Variants in CELF2 observed in about 807,000 individuals in gnomAD.
CELF2 encodes the protein CUG triplet repeat RNA-binding protein 2.
In CELF2, 8 loss-of-function variants were observed where a neutral mutation model predicts 62.6. That is an observed-to-expected ratio of 0.13 (90% CI 0.07 to 0.23). The LOEUF (loss-of-function observed/expected upper bound fraction) is 0.23, where lower values mean the gene tolerates loss of function less well. Among genes scored for constraint, CELF2 ranks in the 10% least tolerant of loss-of-function variants. The probability of loss-of-function intolerance (pLI) is 1.00; values close to 1 mark genes in which losing one functional copy is unlikely to be tolerated. For missense variants in CELF2, 333 were observed against 671.0 expected (o/e 0.50, Z 5.56); for synonymous variants, 258 against 250.0 (o/e 1.03, Z -0.30).
rs562826829 is a variant in CELF2 at position 11,216,417 on chromosome 10, G to C, written c.272-1008G>C. Among the ~76,000 whole-genome samples the C allele has an allele frequency of 2.0e-5, 3 of 152,302 alleles. No individual in the cohort carries two copies. The East Asian group carries it at 5.8e-4, about 29-fold the overall frequency. ...AATAAAATACATACAGTCTTGGTGA[G>C]TGCATCACTTTACTTTTTTTCCTCA... On this transcript the variant is annotated intron_variant, in intron 2 of 12. Transcript: ENST00000633077.
chr10:10,835,170 G>T (rs35423781), intron 1 of CELF2, among the ~76,000 whole-genome samples: 23,894 of 151,958 alleles, frequency 0.16, 1,996 homozygotes, highest in Non-Finnish European at 0.19. Flanking sequence ...ACTATTTTTA[G>T]AGACAAGGGT....
the CELF2 span, among the ~76,000 whole-genome samples, chr10:10,605,956 T>C: frequency 6.6e-6 from 1 of 152,222 alleles, no homozygotes; most frequent in African/African-American, 2.4e-5. Context: ...ATGTATGATC[T>C]ATGCTGAATG....
the CELF2 span, among the ~76,000 whole-genome samples, chr10:10,587,603 CTTTT>C: frequency 6.6e-6 from 1 of 151,964 alleles, no homozygotes. Flanking sequence ...ACATAAAATC[CTTTT>C]TTTGTTGTTT....
At position 11,211,490 on chromosome 10, in the gene CELF2, A is replaced by G. The variant is rs1188501426; in HGVS notation, c.272-5935A>G. Among the ~76,000 whole-genome samples, 2 of 152,196 alleles carry G rather than the reference A, an allele frequency of 1.3e-5. No individual in the cohort carries two copies. Among genetic ancestry groups the G allele is most frequent in the South Asian group, 2.1e-4 (1 of 4,832 alleles). ...AGAGTGGTGTCTACATTACCTCCAC[A>G]CTGAAAAATATAAATACGTTATTGC... On this transcript the variant is annotated intron_variant, in intron 2 of 12. Transcript: ENST00000633077. The surrounding 1 kb of genome is among the most constrained non-coding windows in gnomAD (Gnocchi z 4.8).
the CELF2 span, among the ~76,000 whole-genome samples, chr10:10,583,841 T>G: frequency 6.6e-6 from 1 of 152,124 alleles, no homozygotes; most frequent in Admixed American, 6.6e-5. Flanking sequence ...GATGAGGGTG[T>G]AACTGGGGCT....
chr10:11,298,822 A>G (rs368599453), intron 9 of CELF2, among the ~76,000 whole-genome samples: 6 of 152,202 alleles, frequency 3.9e-5, no homozygotes, highest in African/African-American at 1.4e-4. Context: ...AGCTCTGGAG[A>G]ACAGAAGACT....
chr10:11,067,180 A>G (rs2068404069), intron 1 of CELF2, among the ~76,000 whole-genome samples: 1 of 152,164 alleles, frequency 6.6e-6, no homozygotes, highest in South Asian at 2.1e-4. Flanking sequence ...GAAATGTATG[A>G]AGTGAAATGA....
chr10:11,236,604 T>C (rs1034265599), intron 3 of CELF2, among the ~76,000 whole-genome samples: 12 of 152,364 alleles, frequency 7.9e-5, no homozygotes, highest in African/African-American at 2.6e-4. Flanking sequence ...GACCTTTTAA[T>C]GAGTTATCTG....
the CELF2 span, among the ~76,000 whole-genome samples, chr10:10,772,574 G>C: frequency 6.6e-6 from 1 of 152,194 alleles, no homozygotes; most frequent in Non-Finnish European, 1.5e-5. Context: ...AATGAGCTTG[G>C]GATGTGCCCA....
At chr10:11,233,112 C>G (rs1466739696) in intron 3 of CELF2, among the ~76,000 whole-genome samples, 1 of 152,122 alleles carries the variant, frequency 6.6e-6, no homozygotes, top group Non-Finnish European at 1.5e-5. Flanking sequence ...AAAATTCTAA[C>G]TAATGAAAGA....
the CELF2 span, among the ~76,000 whole-genome samples, chr10:10,492,415 C>A: frequency 1.3e-5 from 2 of 152,112 alleles, no homozygotes; most frequent in African/African-American, 4.8e-5. Context: ...ATATATGTAA[C>A]AAACCTGCAC....
intron 1 of CELF2, among the ~76,000 whole-genome samples, chr10:11,022,033 GT>G (rs1421386596): frequency 6.6e-6 from 1 of 152,146 alleles, no homozygotes; most frequent in Admixed American, 6.6e-5. Flanking sequence ...AAGCAGTGGG[GT>G]TCTGTTTTTC....
intron 1 of CELF2, among the ~76,000 whole-genome samples, chr10:11,030,035 A>G (rs1324393366): frequency 6.6e-6 from 1 of 152,192 alleles, no homozygotes; most frequent in Non-Finnish European, 1.5e-5. Flanking sequence ...TGCTCAAGTA[A>G]TAATCGTGCA....
chr10:10,566,807 A>G, the CELF2 span, among the ~76,000 whole-genome samples: 1 of 152,128 alleles, frequency 6.6e-6, no homozygotes. Context: ...TCATATTGTG[A>G]TGTTATCAAA....
chr10:10,759,877 A>G, the CELF2 span, among the ~76,000 whole-genome samples: 2 of 152,188 alleles, frequency 1.3e-5, no homozygotes, highest in African/African-American at 4.8e-5. Context: ...ATATAGAAAT[A>G]GTAGTTAAAA....
chr10:10,750,672 G>A, the CELF2 span, among the ~76,000 whole-genome samples: 1 of 152,240 alleles, frequency 6.6e-6, no homozygotes, highest in African/African-American at 2.4e-5. Flanking sequence ...GTATACGTGT[G>A]TTCCATCTTA....
chr10:10,926,556 G>A (rs916498533), intron 2 of CELF2, among the ~76,000 whole-genome samples: 4 of 152,180 alleles, frequency 2.6e-5, no homozygotes, highest in East Asian at 1.9e-4. Flanking sequence ...CTGGTACACC[G>A]TCTGCCATCT....
chr10:10,486,974 C>T, the CELF2 span, among the ~76,000 whole-genome samples: 18 of 152,246 alleles, frequency 1.2e-4, no homozygotes, highest in Admixed American at 2.0e-4. Context: ...TCTTCATTCC[C>T]CTAGTATAAA....
At position 11,328,847 on chromosome 10, in the gene CELF2, T is replaced by C. The variant is rs981918749; in HGVS notation, c.1439-79T>C. 5.3e-6 allele frequency: 8 copies of C among 1,500,240 alleles called. No homozygotes were observed. In the African/African-American group the frequency reaches 1.1e-4, roughly 21 times the overall value. 92.9% of individuals were successfully genotyped at this position (1,500,240 alleles called of 1,614,324 possible). ...GCACCTCATGCTGGCTCTTCAGCCTTCCCCAGAGCTCCAGCCCCCTTTTCT... is the reference window on the plus strand; with the variant it reads ...GCACCTCATGCTGGCTCTTCAGCCTCCCCCAGAGCTCCAGCCCCCTTTTCT... On this transcript the variant is annotated intron_variant, in intron 12 of 12. Transcript: ENST00000633077. This position sits in a 1 kb window ranked among gnomAD's most constrained non-coding sequence, Gnocchi z 6.4.
Sources: gnomAD v4.1 joint callset for allele counts (sites outside exome capture counted in the v4.1 genomes callset) on GRCh38, gnomAD v4.1.1 for gene constraint, Gnocchi (gnomAD v3.1) non-coding constraint, MANE v1.5 for transcripts, NCBI Gene and HGNC (gene_info 2026-07-23, HGNC 2026-07-21) for gene names.